ANKRD29: variants seen among roughly 807,000 people sequenced by gnomAD.
ANKRD29 encodes the protein ankyrin repeat domain 29.
ANKRD29 carries 32 observed loss-of-function variants against 38.0 expected under a neutral mutation model. The observed-to-expected ratio is 0.84, with a 90% CI of 0.64 to 1.13. The LOEUF is 1.13. ANKRD29 is among the 50% of genes most tolerant of loss of function. ANKRD29 has a pLI of 0.00. For synonymous variants in ANKRD29, 135 were observed against 152.4 expected, an observed-to-expected ratio of 0.89 and a Z score of 0.84; for missense variants, 357 against 377.9, an observed-to-expected ratio of 0.94 and a Z score of 0.46.
intron 1 of ANKRD29, among the ~76,000 whole-genome samples, chr18:23,661,981 A>G (rs2060368136): frequency 6.6e-6 from 1 of 151,074 alleles, no homozygotes; most frequent in Non-Finnish European, 1.5e-5. Context: ...TGGCTGCAAA[A>G]CCGTGGGTGA....
intron 4 of ANKRD29, among the ~76,000 whole-genome samples, chr18:23,637,110 T>C (rs1168749109): frequency 2.6e-5 from 4 of 152,216 alleles, no homozygotes; most frequent in Non-Finnish European, 4.4e-5. Context: ...ACAAAGGCTT[T>C]AAGCCAGTAT....
rs3083465 is a variant in ANKRD29 at position 23,637,994 on chromosome 18, C to CTTTTTT, written c.330+849_330+854dup. Among the ~76,000 whole-genome samples, 314 of 98,056 alleles carry CTTTTTT rather than the reference C, an allele frequency of 3.2e-3. 22 individuals carry two copies. The highest frequency in any genetic ancestry group is 9.1e-3 in the African/African-American group (224 of 24,546). 64.3% of individuals were successfully genotyped at this position (98,056 alleles called of 152,430 possible). A position where few individuals can be genotyped will look rare whatever the true frequency, so the allele number is the denominator to read the frequency against. On this transcript the variant is annotated intron_variant, in intron 4 of 9. Coordinates refer to ENST00000592179, the MANE Select transcript of ANKRD29 (RefSeq NM_173505.4). ...TGTCAAAAATGAAAATCAATTACTT[C>CTTTTTT]TTTTTTTTTTTTTTTTTTTTTGAGA...
intron 1 of ANKRD29, among the ~76,000 whole-genome samples, chr18:23,661,428 G>C (rs1307581197): frequency 1.3e-5 from 2 of 152,170 alleles, no homozygotes; most frequent in Non-Finnish European, 2.9e-5. Flanking sequence ...AAAGTCGGCC[G>C]GGCGTAGTGG....
At chr18:23,621,864 T>G (rs1463623653) in intron 6 of ANKRD29, among the ~76,000 whole-genome samples, 6 of 151,966 alleles carry the variant, frequency 3.9e-5, no homozygotes, top group Non-Finnish European at 7.4e-5. Flanking sequence ...TTTTTCTTTT[T>G]GTAGAGATGG....
Position 23,662,796 on chromosome 18 carries a change from T to A in ANKRD29, c.-66A>T. On this transcript the variant is annotated 5_prime_UTR_variant, in exon 1 of 10. The change creates a new upstream start codon in the 5' untranslated region. Coordinates refer to ENST00000592179, the MANE Select transcript of ANKRD29 (RefSeq NM_173505.4). ...CGGGGCGCCTTGTCCTCCCCGGCCC[T>A]TCACTCTCCCGGGGCTCTCGGCGTT... 7.3e-7 allele frequency: 1 copy of A among 1,371,344 alleles called. No homozygotes were observed. The highest frequency in any genetic ancestry group is 1.6e-5 in the South Asian group (1 of 64,102). 84.9% of individuals were successfully genotyped at this position (1,371,344 alleles called of 1,614,324 possible).
In ANKRD29 at chr18:23,624,466, C is replaced by CAAA. The variant is rs56005663; in HGVS notation, c.529-4840_529-4838dup. On this transcript the variant is annotated intron_variant, in intron 6 of 9. Transcript: ENST00000592179. ...TGGGCGACAGAGTGAGACTCCATCTCAAAAAAAAAAAAAAAAAAAAAAAAA... is the reference window on the plus strand; with the variant it reads ...TGGGCGACAGAGTGAGACTCCATCTCAAAAAAAAAAAAAAAAAAAAAAAAAAAA... 1.3e-3 allele frequency among the ~76,000 whole-genome samples: 41 copies of CAAA among 32,436 alleles called. 2 individuals carry two copies. The highest frequency in any genetic ancestry group is 2.9e-3 in the African/African-American group (34 of 11,884). The allele number at this position is 32,436 out of a possible 152,430, so 21.3% of individuals were successfully genotyped here. A position where few individuals can be genotyped will look rare whatever the true frequency, so the allele number is the denominator to read the frequency against.
chr18:23,662,620 C>CCCAA, intron 1 of ANKRD29, 90 bp downstream of exon 1: 2 of 406,726 alleles, frequency 4.9e-6, no homozygotes, highest in East Asian at 4.2e-5. Flanking sequence ...AGCGCCCACC[C>CCCAA]CATCCCACCC....
intron 5 of ANKRD29, among the ~76,000 whole-genome samples, chr18:23,632,549 T>A (rs1005865176): frequency 3.0e-4 from 17 of 55,752 alleles, no homozygotes; most frequent in African/African-American, 1.1e-3. Flanking sequence ...ATATATATAT[T>A]ACACACTCTC....
rs576754862 is a variant in ANKRD29 at position 23,640,958 on chromosome 18, C to T, written c.232-2011G>A. ...AACTTGTTCTTAAGGGCCTGGGTGT[C>T]TCTGTGAATATGTACGTGTGTGCAT... On this transcript the variant is annotated intron_variant, in intron 3 of 9. Transcript: ENST00000592179. Among the ~76,000 whole-genome samples the T allele has an allele frequency of 9.2e-5, 14 of 152,192 alleles. 1 individual carries two copies. The South Asian group carries it at 2.9e-3, about 32-fold the overall frequency.
At chr18:23,648,764 T>C (rs981869216) in intron 2 of ANKRD29, 2 of 409,110 alleles carry the variant, frequency 4.9e-6, no homozygotes, top group Non-Finnish European at 4.3e-6. Context: ...CATCTTTTCA[T>C]GGAAGTGGTT....
At chr18:23,654,518 GC>G (rs1300868711) in intron 1 of ANKRD29, among the ~76,000 whole-genome samples, 1 of 149,312 alleles carries the variant, frequency 6.7e-6, no homozygotes, top group Non-Finnish European at 1.5e-5. Context: ...TACTCGGGAG[GC>G]TGCGGCAAGG....
chr18:23,604,355 T>C (rs2059549823), intron 9 of ANKRD29, among the ~76,000 whole-genome samples: 1 of 152,108 alleles, frequency 6.6e-6, no homozygotes, highest in African/African-American at 2.4e-5. Flanking sequence ...GTCTGGGGGG[T>C]GGTGTCCTGA....
intron 6 of ANKRD29, among the ~76,000 whole-genome samples, chr18:23,626,402 G>C (rs1202733370): frequency 6.6e-6 from 1 of 152,212 alleles, no homozygotes; most frequent in Admixed American, 6.5e-5. Context: ...TAAGGTGGGT[G>C]AGTGGAGTTG....
At chr18:23,619,878 T>C (rs541696971) in intron 6 of ANKRD29, 5 of 476,900 alleles carry the variant, frequency 1.0e-5, no homozygotes, top group African/African-American at 2.0e-5. Flanking sequence ...TATTCAAATT[T>C]TGGCTTATAA....
At chr18:23,613,778 T>G (rs938320750) in intron 8 of ANKRD29, among the ~76,000 whole-genome samples, 2 of 152,008 alleles carry the variant, frequency 1.3e-5, no homozygotes, top group Non-Finnish European at 2.9e-5. Flanking sequence ...TTTTGTATTT[T>G]TAGTAGAGAC....
At chr18:23,638,822 A>G (rs1387504678) in intron 4 of ANKRD29, 27 bp downstream of exon 4, 4 of 1,569,490 alleles carry the variant, frequency 2.5e-6, no homozygotes, top group Admixed American at 3.7e-5. Context: ...TCTTCAACAT[A>G]ATACAAAATC....
intron 6 of ANKRD29, among the ~76,000 whole-genome samples, chr18:23,629,531 C>T (rs1339191828): frequency 6.6e-6 from 1 of 152,236 alleles, no homozygotes; most frequent in Non-Finnish European, 1.5e-5. Context: ...CCAGCCTGCA[C>T]TCATTAGATC....
intron 4 of ANKRD29, among the ~76,000 whole-genome samples, chr18:23,638,499 G>A (rs545417104): frequency 2.6e-5 from 4 of 152,142 alleles, no homozygotes; most frequent in Admixed American, 6.5e-5. Flanking sequence ...AATCTTCAGT[G>A]GGAAAAAGAA....
chr18:23,658,430 A>G (rs1385780011), intron 1 of ANKRD29, among the ~76,000 whole-genome samples: 1 of 152,100 alleles, frequency 6.6e-6, no homozygotes, highest in South Asian at 2.1e-4. Flanking sequence ...AAAACAAAAA[A>G]CTTGTGTGAT....
Sources: allele counts gnomAD v4.1 joint callset (sites outside exome capture counted in the v4.1 genomes callset), GRCh38; gene constraint gnomAD v4.1.1; transcripts MANE v1.5; gene names NCBI Gene and HGNC (gene_info 2026-07-23, HGNC 2026-07-21).